TTC24: variants seen among roughly 807,000 people sequenced by gnomAD.
The protein encoded by TTC24 is tetratricopeptide repeat protein 24.
In TTC24, 54 loss-of-function variants were observed where a neutral mutation model predicts 63.3. The ratio of observed to expected loss-of-function variants is 0.85; its 90% CI spans 0.69 to 1.07. TTC24 has a LOEUF of 1.07. Among genes scored for constraint, TTC24 ranks in the 50% least tolerant of loss-of-function variants. The pLI is 0.00. For missense variants in TTC24, 680 were observed against 730.5 expected (o/e 0.93, Z 0.80); for synonymous variants, 276 against 304.3 (o/e 0.91, Z 0.97).
intron 8 of TTC24, 99 bp downstream of exon 8, chr1:156,585,330 C>A: frequency 1.0e-6 from 1 of 958,086 alleles, no homozygotes; most frequent in Non-Finnish European, 1.5e-6. Flanking sequence ...GCCCATCCCA[C>A]CATCCCGCCT....
Position 156,583,141 on chromosome 1 carries a change from T to C in TTC24, c.1010T>C (p.Leu337Pro). 6.2e-7 allele frequency: 1 copy of C among 1,613,108 alleles called. No individual in the cohort carries two copies. The highest frequency in any genetic ancestry group is 1.3e-5 in the African/African-American group (1 of 74,924). The change falls in exon 4 of 11, where the codon CTG (leucine) becomes CCG (proline). Residue 337 changes from leucine to proline, a missense_variant. By Grantham distance (98) the Leu-to-Pro change is moderately conservative (BLOSUM62 -3). Transcript: ENST00000368236. The surrounding 1 kb of genome is among the most constrained non-coding windows in gnomAD (Gnocchi z 4.0). ...CACAAGGCTGCCAGAGACAACTACCTGCATGCCCTGCAGGCTGCCCGGGAC... is the reference window on the plus strand; with the variant it reads ...CACAAGGCTGCCAGAGACAACTACCCGCATGCCCTGCAGGCTGCCCGGGAC... Reference protein sequence around the residue: ...GDHKAARDNYLHALQAARDSG... With the variant: ...GDHKAARDNYPHALQAARDSG...
intron 6 of TTC24, 158 bp from the exon 7 acceptor site, chr1:156,584,719 C>T (rs1677102773): frequency 2.1e-6 from 1 of 484,912 alleles, no homozygotes; most frequent in South Asian, 4.7e-5. Flanking sequence ...TAGCAGGGAC[C>T]TTAATAGAAC....
intron 7 of TTC24, 43 bp downstream of exon 7, chr1:156,585,017 C>T: frequency 6.5e-7 from 1 of 1,547,418 alleles, no homozygotes; most frequent in Non-Finnish European, 8.8e-7. Context: ...GCGCCCTCTG[C>T]AGGGTGTTGG....
In TTC24 at chr1:156,585,111, C is replaced by T; in HGVS notation, c.1350-14C>T. On this transcript the variant is annotated splice_polypyrimidine_tract_variant and intron_variant, in intron 7 of 10. Coordinates refer to ENST00000368236, the MANE Select transcript of TTC24 (RefSeq NM_001105669.4). The stretch of plus-strand genomic sequence containing the variant: ...CGCTCTGCCAAGCTGTGCCCTGGTT[C>T]CTTGCCCCTACAGATCTTCCAGTGG... 1.2e-6 allele frequency: 2 copies of T among 1,603,222 alleles called. No individual in the cohort carries two copies. Among genetic ancestry groups the T allele is most frequent in the Non-Finnish European group, 1.7e-6 (2 of 1,173,754 alleles).
Position 156,586,456 on chromosome 1 carries a change from C to T in TTC24, c.1668-13C>T. 6.2e-7 allele frequency: 1 copy of T among 1,611,572 alleles called. No homozygotes were observed. Among genetic ancestry groups the T allele is most frequent in the Non-Finnish European group, 8.5e-7 (1 of 1,178,892 alleles). On this transcript the variant is annotated splice_polypyrimidine_tract_variant and intron_variant, in intron 10 of 10. Transcript: ENST00000368236. ...GTCACCCCCACTGGCAAGCCCCTCC[C>T]TGCCTCTTTCAGGTCATCCAGGTGG...
At chr1:156,582,925 T>G in intron 3 of TTC24, 117 bp from the exon 4 acceptor site, 2 of 1,298,166 alleles carry the variant, frequency 1.5e-6, no homozygotes, top group Non-Finnish European at 2.1e-6. Flanking sequence ...GCATCTGGAG[T>G]GTTCTGGGGC....
Position 156,585,806 on chromosome 1 carries a change from T to C in TTC24, c.1550T>C (p.Leu517Pro). Residue 517 changes from leucine (L) to proline (P), a missense_variant, in exon 9 of 11, where the codon CTC becomes CCC. Transcript: ENST00000368236. ...CACACGCCCTGCAGAGGGACAGTCC[T>C]CGGCAAAGCCTCCATCTATAGTGAG... ...TKHTPCRGTVLGKASIYSPGP... is the reference protein window; with the variant it reads ...TKHTPCRGTVPGKASIYSPGP... 3 of 1,613,752 alleles carry C rather than the reference T, an allele frequency of 1.9e-6. No individual in the cohort carries two copies. Among genetic ancestry groups the C allele is most frequent in the Non-Finnish European group, 2.5e-6 (3 of 1,179,652 alleles).
intron 3 of TTC24, 110 bp from the exon 4 acceptor site, chr1:156,582,932 G>C: frequency 7.1e-7 from 1 of 1,400,640 alleles, no homozygotes; most frequent in Non-Finnish European, 9.7e-7. Flanking sequence ...GAGTGTTCTG[G>C]GGCTGGGCAC....
In TTC24 at chr1:156,583,216, G is replaced by C; in HGVS notation, c.1039+46G>C. 1 of 1,610,442 alleles carries C rather than the reference G, an allele frequency of 6.2e-7. No homozygotes were observed. The highest frequency in any genetic ancestry group is 8.5e-7 in the Non-Finnish European group (1 of 1,178,316). Reference sequence around the variant, plus strand: ...ATGTGACTGGGACAGTGGGGAGGCTGAGGGTCCTAGGGGCTGGCGGGGAGG... The same window carrying C: ...ATGTGACTGGGACAGTGGGGAGGCTCAGGGTCCTAGGGGCTGGCGGGGAGG... On this transcript the variant is annotated intron_variant, in intron 4 of 10. Transcript: ENST00000368236. The surrounding 1 kb of genome is among the most constrained non-coding windows in gnomAD (Gnocchi z 4.0).
Position 156,582,284 on chromosome 1 carries a change from C to T in TTC24, c.760C>T (p.Leu254=), listed in dbSNP as rs1028433783. 6.4e-7 allele frequency: 1 copy of T among 1,563,702 alleles called. No homozygotes were observed. Among genetic ancestry groups the T allele is most frequent in the Non-Finnish European group, 8.7e-7 (1 of 1,154,628 alleles). ...CTACTCCCAGCTCCAGCTGTTCCCG[C>T]TGGCCGTGGAGGCCTTCCTGCAGGC... ...LGYSQLQLFP[L]AVEAFLQALP... Residue 254 remains leucine, a synonymous_variant, in exon 3 of 11, where the codon CTG becomes TTG. Coordinates refer to ENST00000368236, the MANE Select transcript of TTC24 (RefSeq NM_001105669.4).
Position 156,581,341 on chromosome 1 carries a change from CCT to C in TTC24, c.-4-17_-4-16del. ...GGAAGCCAAGGCTGACATACTGAGCCCTCTGTTCCCCTTTGTCAGCCCTATGT... is the reference window on the plus strand; with the variant it reads ...GGAAGCCAAGGCTGACATACTGAGCCCTGTTCCCCTTTGTCAGCCCTATGT... On this transcript the variant is annotated intron_variant, in intron 1 of 10. Coordinates refer to ENST00000368236, the MANE Select transcript of TTC24 (RefSeq NM_001105669.4). The C allele has an allele frequency of 6.9e-7, 1 of 1,459,020 alleles. No homozygotes were observed. The highest frequency in any genetic ancestry group is 9.1e-7 in the Non-Finnish European group (1 of 1,101,380). 90.4% of individuals were successfully genotyped at this position (1,459,020 alleles called of 1,614,324 possible).
chr1:156,581,744 AC>A lies in TTC24; in HGVS notation c.382del (p.His128MetfsTer45). On this transcript the variant is annotated frameshift_variant, in exon 2 of 11. Coordinates refer to ENST00000368236, the MANE Select transcript of TTC24 (RefSeq NM_001105669.4). LOFTEE classifies it high-confidence loss of function. ...CAATGTTTCAATGTGGCTTTGGCCTACCATGCCCTCGGCGAGCTGCCTCAAG... is the reference window on the plus strand; with the variant it reads ...CAATGTTTCAATGTGGCTTTGGCCTACATGCCCTCGGCGAGCTGCCTCAAG... ...GDQCFNVALA[Y>X]HALGELPQAL... is the part of the protein sequence containing the mutation. 1 of 1,551,746 alleles carries A rather than the reference AC, an allele frequency of 6.4e-7. No homozygotes were observed. The highest frequency in any genetic ancestry group is 8.7e-7 in the Non-Finnish European group (1 of 1,147,008).
intron 1 of TTC24, among the ~76,000 whole-genome samples, chr1:156,580,492 T>C (rs1676960925): frequency 6.8e-6 from 1 of 147,402 alleles, no homozygotes; most frequent in Non-Finnish European, 1.5e-5. Context: ...ATTTGCAGCT[T>C]TTTTTGAGAC....
At position 156,582,256 on chromosome 1, in the gene TTC24, G is replaced by A; in HGVS notation, c.732G>A (p.Leu244=). The A allele has an allele frequency of 2.6e-6, 4 of 1,552,814 alleles. No individual in the cohort carries two copies. Among genetic ancestry groups the A allele is most frequent in the Non-Finnish European group, 2.6e-6 (3 of 1,147,726 alleles). ...LLGHLYNDLG[L]GYSQLQLFPL... is the part of the protein sequence containing the mutation. ...GGCACCTCTATAACGATCTAGGCCT[G>A]GGCTACTCCCAGCTCCAGCTGTTCC... The change falls in exon 3 of 11, where the codon CTG becomes CTA. Residue 244 remains leucine, a synonymous_variant. Transcript: ENST00000368236.
intron 10 of TTC24, 60 bp from the exon 11 acceptor site, chr1:156,586,409 G>T: frequency 1.4e-6 from 2 of 1,455,612 alleles, no homozygotes; most frequent in South Asian, 1.2e-5. Flanking sequence ...GCCAAGGCAG[G>T]CTGCCTCCTG....
At position 156,583,060 on chromosome 1, in the gene TTC24, G is replaced by T; in HGVS notation, c.929G>T (p.Trp310Leu). The T allele has an allele frequency of 4.3e-6, 7 of 1,613,192 alleles. No homozygotes were observed. The highest frequency in any genetic ancestry group is 5.9e-6 in the Non-Finnish European group (7 of 1,179,554). ...TCCTCAGGCTCTGTGGGGCAGCGGTGGGAGCAGGGCCGGAGCTTTGGCAGC... is the reference window on the plus strand; with the variant it reads ...TCCTCAGGCTCTGTGGGGCAGCGGTTGGAGCAGGGCCGGAGCTTTGGCAGC... ...ADLHGSVGQRWEQGRSFGSLA... is the reference protein window; with the variant it reads ...ADLHGSVGQRLEQGRSFGSLA... Residue 310 changes from tryptophan (W) to leucine (L), a missense_variant, in exon 4 of 11, where the codon TGG becomes TTG. Transcript: ENST00000368236. The surrounding 1 kb of genome is among the most constrained non-coding windows in gnomAD (Gnocchi z 4.0).
chr1:156,583,346 A>C lies in TTC24; in HGVS notation c.1048A>C (p.Lys350Gln). The C allele has an allele frequency of 6.2e-7, 1 of 1,612,852 alleles. No homozygotes were observed. The highest frequency in any genetic ancestry group is 8.5e-7 in the Non-Finnish European group (1 of 1,179,400). The change falls in exon 5 of 11, where the codon AAG (lysine) becomes CAG (glutamine). Residue 350 changes from lysine (K) to glutamine (Q), a missense_variant. Coordinates refer to ENST00000368236, the MANE Select transcript of TTC24 (RefSeq NM_001105669.4). The surrounding 1 kb of genome is among the most constrained non-coding windows in gnomAD (Gnocchi z 4.0). ...GGCTCTCTTTCTCTCAGGGGACATG[A>C]AGGGACAGTGGCAGGCCTGTGAGGG... is the stretch of plus-strand genomic sequence containing the variant. Reference protein sequence around the residue: ...LQAARDSGDMKGQWQACEGLG... With the variant: ...LQAARDSGDMQGQWQACEGLG...
At chr1:156,584,712 C>A (rs1677102533) in intron 6 of TTC24, 165 bp from the exon 7 acceptor site, 1 of 460,482 alleles carries the variant, frequency 2.2e-6, no homozygotes. Flanking sequence ...GAGTTACTAG[C>A]AGGGACCTTA....
At position 156,581,650 on chromosome 1, in the gene TTC24, G is replaced by A; in HGVS notation, c.286G>A (p.Ala96Thr). 6.4e-7 allele frequency: 1 copy of A among 1,551,764 alleles called. No homozygotes were observed. The highest frequency in any genetic ancestry group is 1.4e-5 in the African/African-American group (1 of 73,172). ...GAAYVETGDP[A>T]RGLELLLRAH... ...TGCCTATGTGGAGACTGGGGACCCA[G>A]CCAGAGGCCTTGAGCTACTCCTGCG... The change falls in exon 2 of 11, where the codon GCC becomes ACC. Residue 96 changes from alanine (A) to threonine (T), a missense_variant. By Grantham distance (58) the Ala-to-Thr change is moderately conservative. Transcript: ENST00000368236.
Sources: allele counts gnomAD v4.1 joint callset (sites outside exome capture counted in the v4.1 genomes callset), GRCh38; gene constraint gnomAD v4.1.1; non-coding constraint Gnocchi (gnomAD v3.1); transcripts MANE v1.5; gene names NCBI Gene and HGNC (gene_info 2026-07-23, HGNC 2026-07-21).